RPTOR: variants seen among roughly 807,000 people sequenced by gnomAD.
RPTOR encodes the protein regulatory associated protein of MTOR complex 1.
In RPTOR, 21 loss-of-function variants were observed where a neutral mutation model predicts 169.9. The ratio of observed to expected loss-of-function variants is 0.12; its 90% CI spans 0.09 to 0.18. The LOEUF is 0.18. Among genes scored for constraint, RPTOR ranks in the 10% least tolerant of loss-of-function variants. The pLI, the probability that RPTOR is intolerant of heterozygous loss-of-function variation, is 1.00. For synonymous variants in RPTOR, 732 were observed against 753.2 expected, an observed-to-expected ratio of 0.97 and a Z score of 0.46; for missense variants, 1,133 against 1,855.9, an observed-to-expected ratio of 0.61 and a Z score of 7.16.
Position 80,629,342 on chromosome 17 carries a change from C to CACT in RPTOR, c.265+3549_265+3550insACT, listed in dbSNP as rs1567827763. On this transcript the variant is annotated intron_variant, in intron 2 of 33. Transcript: ENST00000306801. ...GGACTCAGCTCTCTATGTATTGTGTCGTTGGACATTGTACTGCAGCTCTTC... is the reference window on the plus strand; with the variant it reads ...GGACTCAGCTCTCTATGTATTGTGTCACTGTTGGACATTGTACTGCAGCTCTTC... Among the ~76,000 whole-genome samples the CACT allele has an allele frequency of 3.2e-3, 310 of 95,442 alleles. 4 individuals carry two copies. The highest frequency in any genetic ancestry group is 0.011 in the African/African-American group (292 of 27,430). 62.6% of individuals were successfully genotyped at this position (95,442 alleles called of 152,430 possible).
chr17:80,665,488 C>G (rs1166396807), intron 3 of RPTOR, among the ~76,000 whole-genome samples: 1 of 42,496 alleles, frequency 2.4e-5, no homozygotes, highest in East Asian at 4.2e-4. Context: ...CTTTCCTTTC[C>G]TTTCCTTTCC....
intron 7 of RPTOR, among the ~76,000 whole-genome samples, chr17:80,819,855 G>T (rs2067361660): frequency 6.6e-6 from 1 of 152,062 alleles, no homozygotes; most frequent in Non-Finnish European, 1.5e-5. Flanking sequence ...ACAGACTCCG[G>T]GCACTTCCCA....
chr17:80,853,324 T>C (rs2245187), intron 11 of RPTOR, among the ~76,000 whole-genome samples: 134,313 of 152,176 alleles, frequency 0.88, 59,348 homozygotes, highest in Middle Eastern at 0.91. Flanking sequence ...AACCCCCTCA[T>C]GTCACCTCCA....
At chr17:80,774,560 G>A (rs959671139) in intron 6 of RPTOR, among the ~76,000 whole-genome samples, 6 of 152,154 alleles carry the variant, frequency 3.9e-5, no homozygotes, top group Non-Finnish European at 5.9e-5. Flanking sequence ...CCCAAATCCC[G>A]TATTATTTTC....
At chr17:80,905,517 A>C (rs374805808) in intron 20 of RPTOR, among the ~76,000 whole-genome samples, 6 of 150,992 alleles carry the variant, frequency 4.0e-5, no homozygotes, top group South Asian at 4.2e-4. Flanking sequence ...AATGGCATGA[A>C]CCCAGGAGGC....
intron 25 of RPTOR, among the ~76,000 whole-genome samples, chr17:80,943,686 G>A (rs1188697946): frequency 2.0e-5 from 3 of 152,056 alleles, no homozygotes; most frequent in Non-Finnish European, 4.4e-5. Flanking sequence ...AAGACTGGAG[G>A]CGGGCAACGG....
chr17:80,624,964 A>G (rs1049597860), intron 1 of RPTOR, among the ~76,000 whole-genome samples: 3 of 152,146 alleles, frequency 2.0e-5, no homozygotes, highest in African/African-American at 7.2e-5. Context: ...GGAGTGTGGA[A>G]GGTGTGTTGA....
chr17:80,806,734 G>A (rs566241027), intron 7 of RPTOR, among the ~76,000 whole-genome samples: 2 of 152,012 alleles, frequency 1.3e-5, no homozygotes, highest in Admixed American at 1.3e-4. Context: ...GCCATATTAT[G>A]GTTTCCTATA....
chr17:80,788,199 G>A (rs1224272274), intron 6 of RPTOR, among the ~76,000 whole-genome samples: 1 of 152,206 alleles, frequency 6.6e-6, no homozygotes, highest in East Asian at 1.9e-4. Context: ...CCAGCTGGGG[G>A]TGGTGGCTTA....
intron 28 of RPTOR, among the ~76,000 whole-genome samples, chr17:80,950,149 G>A (rs549318586): frequency 1.1e-4 from 17 of 152,198 alleles, no homozygotes; most frequent in Non-Finnish European, 2.1e-4. Context: ...AGGCTTCTGG[G>A]TCTAGATTTC....
At chr17:80,612,625 CTTCTTCGACTT>C (rs2065279352) in intron 1 of RPTOR, among the ~76,000 whole-genome samples, 1 of 152,218 alleles carries the variant, frequency 6.6e-6, no homozygotes, top group Non-Finnish European at 1.5e-5. Flanking sequence ...TGTAAATACT[CTTCTTCGACTT>C]TTAATTGAAA....
chr17:80,810,553 G>C (rs1194927200), intron 7 of RPTOR, among the ~76,000 whole-genome samples: 1 of 149,596 alleles, frequency 6.7e-6, no homozygotes, highest in African/African-American at 2.5e-5. Flanking sequence ...TAGCTTTATT[G>C]TAAGTCTCTG....
intron 1 of RPTOR, among the ~76,000 whole-genome samples, chr17:80,596,069 A>G (rs1475336002): frequency 6.6e-6 from 1 of 152,226 alleles, no homozygotes. Flanking sequence ...TAGCGTGGAT[A>G]TGTTGTGAAG....
chr17:80,965,865 C>T lies in RPTOR; in HGVS notation c.*1535C>T, dbSNP rs142377285. The T allele has an allele frequency of 1.7e-5, 4 of 233,368 alleles. No homozygotes were observed. The highest frequency in any genetic ancestry group is 1.8e-4 in the South Asian group (1 of 5,528). The allele number at this position is 233,368 out of a possible 1,614,324, so 14.5% of individuals were successfully genotyped here. A position where few individuals can be genotyped will look rare whatever the true frequency, so the allele number is the denominator to read the frequency against. On this transcript the variant is annotated 3_prime_UTR_variant, in exon 34 of 34. Transcript: ENST00000306801. ...GCGAGCTCCCACCAGAAGAAGGTTCCGGCACGAATCCCATCCCCACGTCTG... is the reference window on the plus strand; with the variant it reads ...GCGAGCTCCCACCAGAAGAAGGTTCTGGCACGAATCCCATCCCCACGTCTG...
intron 3 of RPTOR, among the ~76,000 whole-genome samples, chr17:80,690,043 A>G (rs1449178418): frequency 6.6e-6 from 1 of 152,070 alleles, no homozygotes; most frequent in Non-Finnish European, 1.5e-5. Flanking sequence ...TCATTGAAAC[A>G]TTTTCAAACG....
chr17:80,942,556 G>A (rs2069045937), intron 25 of RPTOR, among the ~76,000 whole-genome samples: 1 of 152,112 alleles, frequency 6.6e-6, no homozygotes, highest in African/African-American at 2.4e-5. Context: ...GTAGTGCCGG[G>A]AGTCACTGAG....
At chr17:80,591,796 G>A (rs767954618) in intron 1 of RPTOR, among the ~76,000 whole-genome samples, 2 of 152,130 alleles carry the variant, frequency 1.3e-5, no homozygotes, top group African/African-American at 4.8e-5. Flanking sequence ...ATATACCTGC[G>A]ATGTCAACAT....
intron 3 of RPTOR, among the ~76,000 whole-genome samples, chr17:80,654,586 C>CA (rs2065666103): frequency 6.6e-6 from 1 of 152,218 alleles, no homozygotes; most frequent in Admixed American, 6.5e-5. Flanking sequence ...GAGGATTACC[C>CA]ATGGCTTGTA....
chr17:80,835,449 T>C (rs2067553184), intron 9 of RPTOR, among the ~76,000 whole-genome samples: 1 of 152,152 alleles, frequency 6.6e-6, no homozygotes, highest in Non-Finnish European at 1.5e-5. Context: ...ATACTGATCA[T>C]CACTCGGTTT....
Sources: allele counts gnomAD v4.1 joint callset (sites outside exome capture counted in the v4.1 genomes callset), GRCh38; gene constraint gnomAD v4.1.1; transcripts MANE v1.5; gene names NCBI Gene and HGNC (gene_info 2026-07-23, HGNC 2026-07-21).